The following KLC4 variants were observed in gnomAD, a reference collection of about 807,000 sequenced individuals.
KLC4 encodes kinesin-like protein 8.
KLC4 carries 49 observed loss-of-function variants against 77.2 expected under a neutral mutation model. The observed-to-expected ratio is 0.63, with a 90% CI of 0.50 to 0.80. The LOEUF is 0.80. Among genes scored for constraint, KLC4 ranks in the 30% least tolerant of loss-of-function variants. The pLI, the probability that KLC4 is intolerant of heterozygous loss-of-function variation, is 0.00. For missense variants in KLC4, 669 were observed against 793.5 expected (o/e 0.84, Z 1.89); for synonymous variants, 274 against 314.5 (o/e 0.87, Z 1.36).
chr6:43,067,051 C>T lies in KLC4; in HGVS notation c.847C>T (p.Arg283Trp), dbSNP rs369071714. The change falls in exon 6 of 16, where the codon CGG becomes TGG. Residue 283 changes from arginine to tryptophan, a missense_variant. Transcript: ENST00000347162. The part of the protein sequence containing the change: ...AHLLNDALSI[R>W]ESTLGPDHPA... ...CCTGCTGAATGATGCCCTTAGCATC[C>T]GGGAGAGCACCTTGGGACCTGACCA... 4 of 1,613,990 alleles carry T rather than the reference C, an allele frequency of 2.5e-6. No homozygotes were observed. The highest frequency in any genetic ancestry group is 1.1e-5 in the South Asian group (1 of 91,068).
At chr6:43,071,950 G>A in intron 11 of KLC4, 28 bp downstream of exon 11, 2 of 1,590,664 alleles carry the variant, frequency 1.3e-6, no homozygotes, top group Non-Finnish European at 1.7e-6. Context: ...AGCCAGCTTG[G>A]CCTCCGATGC....
chr6:43,073,647 C>CA (rs1159219168), intron 14 of KLC4: 21,549 of 306,074 alleles, frequency 0.07, no homozygotes, highest in South Asian at 0.1. Context: ...GACTCCGTCT[C>CA]AAAAAAAAAA....
intron 6 of KLC4, among the ~76,000 whole-genome samples, chr6:43,067,761 C>T (rs1490889752): frequency 1.4e-5 from 2 of 142,938 alleles, no homozygotes; most frequent in East Asian, 2.1e-4. Context: ...TGCCATTGCA[C>T]TCCAGCCAGG....
chr6:43,070,737 C>A lies in KLC4; in HGVS notation c.1027C>A (p.Leu343Met). ...AGATGTGGCAAAACAGCTGAACAAC[C>A]TGGCCCTCTTGTGCCAAAACCAGGG... ...HPDVAKQLNN[L>M]ALLCQNQGKY... Residue 343 changes from leucine to methionine, a missense_variant, in exon 8 of 16, where the codon CTG becomes ATG. Leu to Met is a conservative substitution (Grantham distance 15). Coordinates refer to ENST00000347162, the MANE Select transcript of KLC4 (RefSeq NM_201521.3). The A allele has an allele frequency of 6.2e-7, 1 of 1,614,116 alleles. No individual in the cohort carries two copies. The highest frequency in any genetic ancestry group is 8.5e-7 in the Non-Finnish European group (1 of 1,179,950).
In KLC4 at chr6:43,070,361, C is replaced by T. The variant is rs767962990; in HGVS notation, c.887C>T (p.Ala296Val). 7 of 1,613,224 alleles carry T rather than the reference C, an allele frequency of 4.3e-6. No individual in the cohort carries two copies. The Admixed American group carries it at 1.2e-4, about 27-fold the overall frequency. ...ACAGGCCTGTCTTCATAGGTGGCTGCCACACTCAACAATTTGGCTGTGCTC... is the reference window on the plus strand; with the variant it reads ...ACAGGCCTGTCTTCATAGGTGGCTGTCACACTCAACAATTTGGCTGTGCTC... ...TLGPDHPAVA[A>V]TLNNLAVLYG... Residue 296 changes from alanine to valine, a missense_variant, in exon 7 of 16, where the codon GCC (alanine) becomes GTC (valine). Physicochemically the swap from Ala to Val is moderately conservative, Grantham distance 64 (BLOSUM62 0). Coordinates refer to ENST00000347162, the MANE Select transcript of KLC4 (RefSeq NM_201521.3).
At position 43,067,052 on chromosome 6, in the gene KLC4, G is replaced by A. The variant is rs954346273; in HGVS notation, c.848G>A (p.Arg283Gln). 5 of 1,613,980 alleles carry A rather than the reference G, an allele frequency of 3.1e-6. No homozygotes were observed. Among genetic ancestry groups the A allele is most frequent in the Admixed American group, 3.3e-5 (2 of 59,994 alleles). Reference protein sequence around the residue: ...AHLLNDALSIRESTLGPDHPA... With the variant: ...AHLLNDALSIQESTLGPDHPA... The stretch of plus-strand genomic sequence containing the variant: ...CTGCTGAATGATGCCCTTAGCATCC[G>A]GGAGAGCACCTTGGGACCTGACCAT... The change falls in exon 6 of 16, where the codon CGG (arginine) becomes CAG (glutamine). Residue 283 changes from arginine (R) to glutamine (Q), a missense_variant. Physicochemically the swap from Arg to Gln is conservative, Grantham distance 43 (BLOSUM62 1). Transcript: ENST00000347162.
At chr6:43,074,086 G>A in intron 15 of KLC4, 121 bp downstream of exon 15, 1 of 723,810 alleles carries the variant, frequency 1.4e-6, no homozygotes, top group Non-Finnish European at 2.3e-6. Flanking sequence ...GATGAGCCAG[G>A]GGATTGCAGT....
intron 3 of KLC4, 148 bp from the exon 4 acceptor site, chr6:43,065,472 C>T: frequency 3.5e-6 from 2 of 576,874 alleles, no homozygotes; most frequent in African/African-American, 1.9e-5. Context: ...TTGGCTGGGC[C>T]ACTTGCTAGC....
intron 1 of KLC4, 131 bp downstream of exon 1, chr6:43,059,816 T>C (rs1765039960): frequency 8.6e-7 from 1 of 1,163,674 alleles, no homozygotes; most frequent in Non-Finnish European, 1.1e-6. Flanking sequence ...ACTCCGCCCT[T>C]CGCGATTCTT....
intron 6 of KLC4, chr6:43,067,288 CAA>C: frequency 1.6e-6 from 2 of 1,228,414 alleles, no homozygotes; most frequent in Non-Finnish European, 2.1e-6. Context: ...CTTTTTATAA[CAA>C]ATATTTTGCT....
At chr6:43,073,715 T>C in intron 14 of KLC4, 187 bp from the exon 15 acceptor site, 1 of 580,920 alleles carries the variant, frequency 1.7e-6, no homozygotes, top group Non-Finnish European at 3.1e-6. Flanking sequence ...TGCCTCCAAC[T>C]CCTCTTGGCT....
Position 43,070,341 on chromosome 6 carries a change from C to G in KLC4, c.880-13C>G. The G allele has an allele frequency of 6.3e-7, 1 of 1,599,914 alleles. No homozygotes were observed. The highest frequency in any genetic ancestry group is 8.6e-7 in the Non-Finnish European group (1 of 1,167,322). ...AACCCAAATGTCTGATGGGGACAGGCCTGTCTTCATAGGTGGCTGCCACAC... is the reference window on the plus strand; with the variant it reads ...AACCCAAATGTCTGATGGGGACAGGGCTGTCTTCATAGGTGGCTGCCACAC... On this transcript the variant is annotated splice_polypyrimidine_tract_variant and intron_variant, in intron 6 of 15. Transcript: ENST00000347162.
At chr6:43,073,372 C>T (rs760653542) in intron 14 of KLC4, 34 bp downstream of exon 14, 12 of 1,490,606 alleles carry the variant, frequency 8.1e-6, no homozygotes, top group South Asian at 2.3e-5. Flanking sequence ...GTAAAGTGGC[C>T]GGGTGCAGTG....
chr6:43,071,898 G>C lies in KLC4; in HGVS notation c.1355G>C (p.Trp452Ser), dbSNP rs1765749212. 1 of 1,611,618 alleles carries C rather than the reference G, an allele frequency of 6.2e-7. No individual in the cohort carries two copies. Among genetic ancestry groups the C allele is most frequent in the Non-Finnish European group, 8.5e-7 (1 of 1,179,518 alleles). Residue 452 changes from tryptophan (W) to serine (S), a missense_variant, in exon 11 of 16, where the codon TGG becomes TCG. Coordinates refer to ENST00000347162, the MANE Select transcript of KLC4 (RefSeq NM_201521.3). Reference sequence around the variant, plus strand: ...ACACCCTATGCTGAGTATGGAGGCTGGTACAAGGCCTGCAAAGTGAGCAGG... The same window carrying C: ...ACACCCTATGCTGAGTATGGAGGCTCGTACAAGGCCTGCAAAGTGAGCAGG... ...GGTPYAEYGGWYKACKVSSPT... is the reference protein window; with the variant it reads ...GGTPYAEYGGSYKACKVSSPT...
Position 43,072,785 on chromosome 6 carries a change from A to G in KLC4, c.1489-39A>G, listed in dbSNP as rs752891722. ...TTTGAAAGCCCCATCCTGAGGAGTT[A>G]AGGAGTAGGAAGTCCCAGGTCCTTC... On this transcript the variant is annotated intron_variant, in intron 12 of 15. Coordinates refer to ENST00000347162, the MANE Select transcript of KLC4 (RefSeq NM_201521.3). The G allele has an allele frequency of 1.9e-6, 3 of 1,605,528 alleles. No homozygotes were observed. In the South Asian group the frequency reaches 3.3e-5, roughly 18 times the overall value.
intron 8 of KLC4, 58 bp downstream of exon 8, chr6:43,070,923 GGGA>G (rs200431294): frequency 0.047 from 17,559 of 375,890 alleles, 798 homozygotes; most frequent in African/African-American, 0.14. Context: ...CAGAGGTGGG[GGGA>G]GGGGGGGCAG....
intron 12 of KLC4, 113 bp from the exon 13 acceptor site, chr6:43,072,711 A>G: frequency 1.1e-6 from 1 of 941,552 alleles, no homozygotes; most frequent in Non-Finnish European, 1.6e-6. Flanking sequence ...ATAAACTGAG[A>G]CATCACAAGG....
chr6:43,072,348 G>A (rs1765776372), intron 12 of KLC4, 93 bp downstream of exon 12: 7 of 942,404 alleles, frequency 7.4e-6, no homozygotes, highest in South Asian at 4.1e-5. Flanking sequence ...AAGAATAAGC[G>A]GAAAGGCTGA....
intron 4 of KLC4, 57 bp from the exon 5 acceptor site, chr6:43,066,249 G>A: frequency 1.4e-6 from 2 of 1,433,790 alleles, no homozygotes; most frequent in Non-Finnish European, 2.0e-6. Context: ...GGGAGTGGAA[G>A]GGCAGACAGC....
Sources: allele counts gnomAD v4.1 joint callset (sites outside exome capture counted in the v4.1 genomes callset), GRCh38; gene constraint gnomAD v4.1.1; transcripts MANE v1.5; gene names NCBI Gene and HGNC (gene_info 2026-07-23, HGNC 2026-07-21).